The following ANKRD26 variants were observed in gnomAD, a reference collection of about 807,000 sequenced individuals.
The protein encoded by ANKRD26 is ankyrin repeat domain-containing protein 26.
Under a neutral mutation model 208.7 loss-of-function variants are expected in ANKRD26, and 141 were observed. That is an observed-to-expected ratio of 0.68 (90% CI 0.59 to 0.78). The LOEUF is 0.78. Among genes scored for constraint, ANKRD26 ranks in the 30% least tolerant of loss-of-function variants. ANKRD26 has a pLI of 0.00. For missense variants in ANKRD26, 1,889 were observed against 1,938.7 expected, an observed-to-expected ratio of 0.97 and a Z score of 0.48; for synonymous variants, 636 against 660.4, an observed-to-expected ratio of 0.96 and a Z score of 0.57.
exon 6 of ANKRD26, among the ~76,000 whole-genome samples, chr10:26,975,262 T>A (rs1398291922): frequency 6.6e-6 from 1 of 152,158 alleles, no homozygotes; most frequent in Non-Finnish European, 1.5e-5. Context: ...AGAGTCTCTC[T>A]CTGTCACTCA....
intron 9 of ANKRD26, among the ~76,000 whole-genome samples, chr10:27,072,944 C>G (rs1438749060): frequency 6.6e-6 from 1 of 152,186 alleles, no homozygotes; most frequent in Non-Finnish European, 1.5e-5. Flanking sequence ...GACTCGAGGA[C>G]AGGTCATCTC....
intron 5 of ANKRD26, among the ~76,000 whole-genome samples, chr10:26,993,958 T>C (rs10829154): frequency 0.49 from 75,003 of 152,092 alleles, 20,737 homozygotes; most frequent in Non-Finnish European, 0.62. Flanking sequence ...AGAAACAAGG[T>C]TGTGAAATTC....
intron 5 of ANKRD26, among the ~76,000 whole-genome samples, chr10:26,992,748 A>G (rs2052513351): frequency 6.6e-6 from 1 of 152,170 alleles, no homozygotes; most frequent in Middle Eastern, 3.2e-3. Flanking sequence ...ATCTTCTGCC[A>G]CAAGTTCCCC....
chr10:27,081,830 C>G (rs1351866036), intron 6 of ANKRD26, among the ~76,000 whole-genome samples: 2 of 151,820 alleles, frequency 1.3e-5, no homozygotes, highest in Admixed American at 6.6e-5. Flanking sequence ...CTCCGCCTCC[C>G]GGGTTCAAGC....
At chr10:26,950,531 C>G in the ANKRD26 span, among the ~76,000 whole-genome samples, 1 of 152,394 alleles carries the variant, frequency 6.6e-6, no homozygotes, top group Middle Eastern at 3.4e-3. Context: ...TAACTTGGTG[C>G]TGTCCCACTG....
At chr10:27,009,265 T>C (rs897655526) in intron 32 of ANKRD26, among the ~76,000 whole-genome samples, 2 of 152,204 alleles carry the variant, frequency 1.3e-5, no homozygotes, top group Non-Finnish European at 2.9e-5. Flanking sequence ...GGAGGTGCTC[T>C]GGGAGGGACA....
At chr10:27,080,014 G>T (rs1299413604) in intron 6 of ANKRD26, 3 of 378,154 alleles carry the variant, frequency 7.9e-6, no homozygotes, top group African/African-American at 6.6e-5. Context: ...AGAATTAGCT[G>T]GGTGTGGTGG....
chr10:26,972,209 T>A (rs976099378), downstream of ANKRD26, among the ~76,000 whole-genome samples: 3 of 139,428 alleles, frequency 2.2e-5, no homozygotes, highest in Admixed American at 7.9e-5. Context: ...CACTCCAGCC[T>A]GGGCGACAGA....
intron 25 of ANKRD26, among the ~76,000 whole-genome samples, chr10:27,031,222 A>G (rs2053854987): frequency 1.3e-5 from 2 of 152,236 alleles, no homozygotes; most frequent in African/African-American, 4.8e-5. Flanking sequence ...CAGGAGAATA[A>G]AAACATATGT....
intron 7 of ANKRD26, among the ~76,000 whole-genome samples, chr10:27,078,438 A>G (rs9651378): frequency 2.6e-5 from 4 of 151,830 alleles, no homozygotes; most frequent in African/African-American, 9.7e-5. Flanking sequence ...AAGATGAAAG[A>G]GTAGGGAGAA....
At chr10:27,052,668 T>G (rs2054702422) in intron 16 of ANKRD26, among the ~76,000 whole-genome samples, 1 of 152,150 alleles carries the variant, frequency 6.6e-6, no homozygotes, top group Admixed American at 6.5e-5. Flanking sequence ...AATAGTGGAT[T>G]TAAAAATTCT....
downstream of ANKRD26, among the ~76,000 whole-genome samples, chr10:27,001,026 AAAC>A (rs2052712190): frequency 1.3e-5 from 2 of 152,118 alleles, no homozygotes; most frequent in African/African-American, 2.4e-5. Context: ...ACAAACAAAC[AAAC>A]AAAAGACAGA....
At position 27,067,231 on chromosome 10, in the gene ANKRD26, T is replaced by C. The variant is rs186243874; in HGVS notation, c.1133A>G (p.Glu378Gly). The change falls in exon 10 of 34, where the codon GAA (glutamate) becomes GGA (glycine). Residue 378 changes from glutamate (E) to glycine (G), a missense_variant. Glu to Gly is a moderately conservative substitution (Grantham distance 98, BLOSUM62 -2). Around this residue, in one of 3 missense-constraint regions of ANKRD26, gnomAD observed 1,272 missense variants for 1,273.8 expected, o/e 1.00. Coordinates refer to ENST00000376087, the MANE Select transcript of ANKRD26 (RefSeq NM_014915.3). Reference protein sequence around the residue: ...AKKENGIDIIESAPLEQTNND... With the variant: ...AKKENGIDIIGSAPLEQTNND... ...ATTTGTTTGCTCTAGTGGAGCACTT[T>C]CAATAATATCAATACCATTTTCTTT... 569 of 1,613,742 alleles carry C rather than the reference T, an allele frequency of 3.5e-4. 2 individuals carry two copies. In the African/African-American group the frequency reaches 6.4e-3, roughly 18 times the overall value.
intron 21 of ANKRD26, among the ~76,000 whole-genome samples, chr10:27,039,452 T>C (rs1379966264): frequency 7.5e-6 from 1 of 133,588 alleles, no homozygotes; most frequent in Non-Finnish European, 1.6e-5. Flanking sequence ...AGACTCCATC[T>C]CAAAAAAAAA....
In ANKRD26 at chr10:27,043,419, G is replaced by A; in HGVS notation, c.2161+7C>T. On this transcript the variant is annotated splice_region_variant and intron_variant, in intron 20 of 33. Coordinates refer to ENST00000376087, the MANE Select transcript of ANKRD26 (RefSeq NM_014915.3). ...AAAAAGGCCTTAAATTTATGCAATG[G>A]TCCTACCTTTACACTCCATTCCAAG... The A allele has an allele frequency of 6.2e-7, 1 of 1,613,604 alleles. No individual in the cohort carries two copies. The highest frequency in any genetic ancestry group is 8.5e-7 in the Non-Finnish European group (1 of 1,179,738).
At chr10:27,049,485 TG>T (rs1323467876) in intron 16 of ANKRD26, among the ~76,000 whole-genome samples, 1 of 152,188 alleles carries the variant, frequency 6.6e-6, no homozygotes, top group Non-Finnish European at 1.5e-5. Flanking sequence ...GTTTGGATCC[TG>T]GGATATCAAC....
intron 30 of ANKRD26, among the ~76,000 whole-genome samples, chr10:27,015,234 A>G (rs1306817711): frequency 2.0e-5 from 3 of 152,258 alleles, no homozygotes; most frequent in Non-Finnish European, 4.4e-5. Context: ...AATCATCTGT[A>G]TGTAAGATAC....
At chr10:26,976,047 A>C (rs1191912232) in intron 5 of ANKRD26, among the ~76,000 whole-genome samples, 1 of 152,030 alleles carries the variant, frequency 6.6e-6, no homozygotes, top group Non-Finnish European at 1.5e-5. Context: ...TGGCAGCTAA[A>C]AAAAATAAAT....
At chr10:26,981,897 G>A (rs1389742296) in intron 4 of ANKRD26, among the ~76,000 whole-genome samples, 1 of 152,054 alleles carries the variant, frequency 6.6e-6, no homozygotes, top group Admixed American at 6.5e-5. Flanking sequence ...GCGCAGGAGG[G>A]GCTGACCTGT....
Sources: gnomAD v4.1 joint callset for allele counts (sites outside exome capture counted in the v4.1 genomes callset) on GRCh38, gnomAD v4.1.1 for gene constraint, gnomAD v4.1.1 regional missense constraint, MANE v1.5 for transcripts, NCBI Gene and HGNC (gene_info 2026-07-23, HGNC 2026-07-21) for gene names.